Variants in GALNT7 observed in about 807,000 individuals in gnomAD.
The protein encoded by GALNT7 is polypeptide N-acetylgalactosaminyltransferase 7.
Under a neutral mutation model 82.1 loss-of-function variants are expected in GALNT7, and 60 were observed. The ratio of observed to expected loss-of-function variants is 0.73; its 90% CI spans 0.59 to 0.91. The LOEUF (loss-of-function observed/expected upper bound fraction) is 0.91. Among genes scored for constraint, GALNT7 ranks in the 40% least tolerant of loss-of-function variants. The probability of loss-of-function intolerance (pLI) is 0.00; values close to 1 mark genes in which losing one functional copy is unlikely to be tolerated. For synonymous variants in GALNT7, 243 were observed against 275.1 expected (o/e 0.88, Z 1.15); for missense variants, 660 against 804.2 (o/e 0.82, Z 2.17).
intron 1 of GALNT7, among the ~76,000 whole-genome samples, chr4:173,186,774 T>G (rs1276375852): frequency 2.6e-5 from 4 of 151,848 alleles, no homozygotes; most frequent in Non-Finnish European, 4.4e-5. Context: ...TATTATTGTT[T>G]ACTTACTTTT....
At chr4:173,250,231 G>A (rs78139714) in intron 2 of GALNT7, among the ~76,000 whole-genome samples, 5,757 of 152,238 alleles carry the variant, frequency 0.038, 172 homozygotes, top group Non-Finnish European at 0.055. Context: ...TCTCTGAGTA[G>A]TGTACCTCAG....
intron 8 of GALNT7, among the ~76,000 whole-genome samples, chr4:173,312,463 A>G (rs970376693): frequency 1.3e-5 from 2 of 152,202 alleles, no homozygotes; most frequent in African/African-American, 2.4e-5. Context: ...TGTGGGAACG[A>G]ATCCACTTCT....
chr4:173,254,238 A>G (rs1465407638), intron 2 of GALNT7, among the ~76,000 whole-genome samples: 1 of 152,192 alleles, frequency 6.6e-6, no homozygotes, highest in African/African-American at 2.4e-5. Flanking sequence ...GATATTTTAC[A>G]TTTACACTCA....
chr4:173,275,418 A>G (rs1171926493), intron 2 of GALNT7, among the ~76,000 whole-genome samples: 1 of 152,200 alleles, frequency 6.6e-6, no homozygotes, highest in Non-Finnish European at 1.5e-5. Context: ...TGCATCCCAC[A>G]GACTATGGGA....
intron 1 of GALNT7, among the ~76,000 whole-genome samples, chr4:173,216,511 A>G (rs947127191): frequency 6.6e-5 from 10 of 151,696 alleles, no homozygotes; most frequent in Admixed American, 5.3e-4. Flanking sequence ...TATAAAAACT[A>G]TGGTTGTCAG....
At chr4:173,308,159 A>G (rs1737230110) in intron 8 of GALNT7, among the ~76,000 whole-genome samples, 1 of 152,110 alleles carries the variant, frequency 6.6e-6, no homozygotes, top group African/African-American at 2.4e-5. Flanking sequence ...AGATTCTTCA[A>G]TGGGCCCTGG....
intron 9 of GALNT7, among the ~76,000 whole-genome samples, chr4:173,315,400 A>G (rs553522498): frequency 1.3e-5 from 2 of 152,296 alleles, no homozygotes; most frequent in Non-Finnish European, 2.9e-5. Flanking sequence ...ATTAAGGCCT[A>G]CTGATCATAG....
At chr4:173,202,339 G>A (rs1011518277) in intron 1 of GALNT7, among the ~76,000 whole-genome samples, 2 of 152,106 alleles carry the variant, frequency 1.3e-5, no homozygotes, top group East Asian at 3.9e-4. Context: ...ATACATTATA[G>A]AAGGCAGAGA....
chr4:173,281,742 TTTGTTACCTTCTATCCCC>T (rs1305962995), intron 2 of GALNT7, among the ~76,000 whole-genome samples: 1 of 152,196 alleles, frequency 6.6e-6, no homozygotes, highest in Non-Finnish European at 1.5e-5. Flanking sequence ...TTCATCTGCT[TTTGTTACCTTCTATCCCC>T]TTGTTCCCTC....
At chr4:173,188,695 C>G (rs760665900) in intron 1 of GALNT7, among the ~76,000 whole-genome samples, 3 of 152,168 alleles carry the variant, frequency 2.0e-5, no homozygotes, top group African/African-American at 7.2e-5. Context: ...GCCTTCCTTT[C>G]ATGTTCATGT....
chr4:173,209,999 G>C (rs1453528862), intron 1 of GALNT7, among the ~76,000 whole-genome samples: 2 of 152,118 alleles, frequency 1.3e-5, no homozygotes, highest in Non-Finnish European at 2.9e-5. Flanking sequence ...TGGGGGTAGA[G>C]GTGCGTGCCT....
intron 8 of GALNT7, among the ~76,000 whole-genome samples, chr4:173,310,663 A>G (rs756879619): frequency 3.9e-5 from 6 of 152,224 alleles, no homozygotes; most frequent in Admixed American, 6.5e-5. Context: ...TCCTTTATAT[A>G]GATTAACTTC....
At chr4:173,316,601 C>T (rs767953264) in intron 9 of GALNT7, 7 of 152,180 alleles carry the variant, frequency 4.6e-5, no homozygotes, top group African/African-American at 1.7e-4. Context: ...TCAGAGCCTA[C>T]AACATGCCTG....
intron 2 of GALNT7, among the ~76,000 whole-genome samples, chr4:173,282,906 G>A (rs1201944280): frequency 1.3e-5 from 2 of 152,128 alleles, no homozygotes; most frequent in African/African-American, 4.8e-5. Flanking sequence ...TCCCCAAAAA[G>A]GAAACCTCCA....
intron 1 of GALNT7, among the ~76,000 whole-genome samples, chr4:173,176,798 G>T (rs948111097): frequency 6.6e-6 from 1 of 152,208 alleles, no homozygotes; most frequent in Non-Finnish European, 1.5e-5. Flanking sequence ...GGGTGGAATG[G>T]AAGAGAGGAC....
intron 1 of GALNT7, among the ~76,000 whole-genome samples, chr4:173,218,760 G>A (rs1277221020): frequency 6.6e-6 from 1 of 152,158 alleles, no homozygotes; most frequent in Non-Finnish European, 1.5e-5. Context: ...ATAAGCACAT[G>A]TATTCTTTTA....
chr4:173,168,840 G>A lies in GALNT7; in HGVS notation c.5G>A (p.Arg2Lys). The change falls in exon 1 of 12, where the codon AGG (arginine) becomes AAG (lysine). Residue 2 changes from arginine to lysine, a missense_variant. Coordinates refer to ENST00000265000, the MANE Select transcript of GALNT7 (RefSeq NM_017423.3). M[R>K]LKIGFILRSL... is the part of the protein sequence containing the mutation. ...GTCTCTCGCCGCCGGAGGAAGATGAGGCTGAAGATTGGGTTCATCTTACGC... is the reference window on the plus strand; with the variant it reads ...GTCTCTCGCCGCCGGAGGAAGATGAAGCTGAAGATTGGGTTCATCTTACGC... The A allele has an allele frequency of 2.5e-6, 4 of 1,612,602 alleles. No individual in the cohort carries two copies. Among genetic ancestry groups the A allele is most frequent in the Non-Finnish European group, 3.4e-6 (4 of 1,179,192 alleles).
At chr4:173,265,815 A>T (rs1050723888) in intron 2 of GALNT7, among the ~76,000 whole-genome samples, 2 of 151,738 alleles carry the variant, frequency 1.3e-5, no homozygotes, top group Admixed American at 6.6e-5. Context: ...CTTTCATCTC[A>T]GTCTTCAAAT....
intron 1 of GALNT7, chr4:173,169,721 G>A (rs1396333478): frequency 6.6e-6 from 1 of 151,950 alleles, no homozygotes; most frequent in Non-Finnish European, 1.5e-5. Flanking sequence ...CCGCCTGCCC[G>A]CCGCCCCCAG....
Sources: gnomAD v4.1 joint callset for allele counts (sites outside exome capture counted in the v4.1 genomes callset) on GRCh38, gnomAD v4.1.1 for gene constraint, MANE v1.5 for transcripts, NCBI Gene and HGNC (gene_info 2026-07-23, HGNC 2026-07-21) for gene names.